The following MTMR12 variants were observed in gnomAD, a reference collection of about 807,000 sequenced individuals.
The protein encoded by MTMR12 is myotubularin related protein 12, also known as myotubularin-related protein 12.
Under a neutral mutation model 96.7 loss-of-function variants are expected in MTMR12, and 33 were observed. The ratio of observed to expected loss-of-function variants is 0.34; its 90% confidence interval spans 0.26 to 0.46. The LOEUF (loss-of-function observed/expected upper bound fraction) is 0.46, where lower values mean the gene tolerates loss of function less well. Among genes scored for constraint, MTMR12 ranks in the 20% least tolerant of loss-of-function variants. MTMR12 has a pLI of 1.00. For synonymous variants in MTMR12, 298 were observed against 327.2 expected, an observed-to-expected ratio of 0.91 and a Z score of 0.96; for missense variants, 721 against 896.1, an observed-to-expected ratio of 0.80 and a Z score of 2.49.
intron 1 of MTMR12, among the ~76,000 whole-genome samples, chr5:32,280,062 T>G (rs1291612234): frequency 6.6e-6 from 1 of 152,154 alleles, no homozygotes; most frequent in African/African-American, 2.4e-5. Context: ...CCTGGTGGTA[T>G]TTACTTCACT....
intron 1 of MTMR12, among the ~76,000 whole-genome samples, chr5:32,301,465 T>A (rs1561813359): frequency 6.6e-6 from 1 of 152,250 alleles, no homozygotes; most frequent in Non-Finnish European, 1.5e-5. Flanking sequence ...AAGAGAATCA[T>A]TACTTCTTCC....
At chr5:32,237,119 G>C (rs1748268779) in intron 13 of MTMR12, among the ~76,000 whole-genome samples, 1 of 152,230 alleles carries the variant, frequency 6.6e-6, no homozygotes, top group African/African-American at 2.4e-5. Flanking sequence ...ATGGCTCTGT[G>C]TGCCCACAGC....
chr5:32,272,542 G>A (rs1561781973), intron 3 of MTMR12, among the ~76,000 whole-genome samples: 3 of 151,906 alleles, frequency 2.0e-5, no homozygotes, highest in Admixed American at 6.6e-5. Flanking sequence ...ACCACTCCTA[G>A]CTAATTTTTG....
chr5:32,262,772 A>AT (rs1749417024), intron 7 of MTMR12, among the ~76,000 whole-genome samples: 1 of 152,234 alleles, frequency 6.6e-6, no homozygotes, highest in African/African-American at 2.4e-5. Context: ...ATTCTGATAC[A>AT]AGCTGCAAAA....
intron 1 of MTMR12, among the ~76,000 whole-genome samples, 184 bp from the exon 2 acceptor site, chr5:32,276,926 G>T (rs1409255669): frequency 8.8e-6 from 1 of 114,208 alleles, no homozygotes; most frequent in Non-Finnish European, 1.7e-5. Context: ...TCACTCTGTT[G>T]CCAGGCTGGA....
Position 32,276,731 on chromosome 5 carries a change from T to C in MTMR12, c.93A>G (p.Thr31=), listed in dbSNP as rs376026352. Residue 31 remains threonine (T), a synonymous_variant, in exon 2 of 16, where the codon ACA becomes ACG. Transcript: ENST00000382142. ...VSYVRPEEIH[T]NEKEVTEKEV... ...CCTTCTCTGTTACTTCCTTTTCGTTTGTGTGAATTTCCTAAAAGAGAAGAG... is the reference window on the plus strand; with the variant it reads ...CCTTCTCTGTTACTTCCTTTTCGTTCGTGTGAATTTCCTAAAAGAGAAGAG... 2.9e-5 allele frequency: 47 copies of C among 1,613,704 alleles called. No homozygotes were observed. The African/African-American group carries it at 5.3e-4, about 18-fold the overall frequency.
At chr5:32,276,578 A>G (rs1581625376) in intron 2 of MTMR12, 104 bp downstream of exon 2, 2 of 943,760 alleles carry the variant, frequency 2.1e-6, no homozygotes, top group Non-Finnish European at 3.3e-6. Context: ...GTTATATGTG[A>G]GAAGATGAAA....
At chr5:32,270,131 G>T (rs1749775578) in intron 5 of MTMR12, among the ~76,000 whole-genome samples, 1 of 151,884 alleles carries the variant, frequency 6.6e-6, no homozygotes, top group South Asian at 2.1e-4. Context: ...AAAAGTCTGA[G>T]ATCAATATCT....
At position 32,229,010 on chromosome 5, in the gene MTMR12, A is replaced by C. The variant is rs1747884499; in HGVS notation, c.*768T>G. The C allele has an allele frequency of 6.6e-6, 1 of 152,156 alleles. No homozygotes were observed. The highest frequency in any genetic ancestry group is 1.5e-5 in the Non-Finnish European group (1 of 68,072). 9.4% of individuals were successfully genotyped at this position (152,156 alleles called of 1,614,324 possible). The stretch of plus-strand genomic sequence containing the variant: ...AACAGATCCCCGCAGCGTAACCAAG[A>C]GGTTTGGCAGTGAGACACTGGGACT... On this transcript the variant is annotated 3_prime_UTR_variant, in exon 16 of 16. Transcript: ENST00000382142.
chr5:32,234,398 T>C lies in MTMR12; in HGVS notation c.1513-464A>G, dbSNP rs537164220. ...GCTCAGAAGCACTGAGATTATCTAA[T>C]TGGGGGCACAGTCCAGGAAGGGCCA... On this transcript the variant is annotated intron_variant, in intron 14 of 15. Coordinates refer to ENST00000382142, the MANE Select transcript of MTMR12 (RefSeq NM_001040446.3). Among the ~76,000 whole-genome samples the C allele has an allele frequency of 4.3e-4, 66 of 152,228 alleles. No homozygotes were observed. In the South Asian group the frequency reaches 8.9e-3, roughly 21 times the overall value.
intron 5 of MTMR12, among the ~76,000 whole-genome samples, 173 bp from the exon 6 acceptor site, chr5:32,268,967 A>G (rs77051104): frequency 0.031 from 4,751 of 152,254 alleles, 255 homozygotes; most frequent in African/African-American, 0.11. Flanking sequence ...AATAATGGCA[A>G]ATCAACAGGA....
chr5:32,267,300 C>T (rs778047460), intron 6 of MTMR12, among the ~76,000 whole-genome samples: 39 of 148,218 alleles, frequency 2.6e-4, no homozygotes, highest in Admixed American at 4.1e-4. Flanking sequence ...TGCTTGAACC[C>T]GGAAGGTGGA....
intron 10 of MTMR12, among the ~76,000 whole-genome samples, chr5:32,244,484 G>C (rs1221298848): frequency 1.3e-5 from 2 of 152,154 alleles, no homozygotes; most frequent in African/African-American, 4.8e-5. Flanking sequence ...CCAGCCACTT[G>C]GGAGGCTGAG....
intron 7 of MTMR12, among the ~76,000 whole-genome samples, chr5:32,257,470 T>C (rs909495344): frequency 1.3e-5 from 2 of 152,196 alleles, no homozygotes; most frequent in East Asian, 1.9e-4. Flanking sequence ...ACTTGAAATT[T>C]TGCATTTAAA....
intron 1 of MTMR12, among the ~76,000 whole-genome samples, chr5:32,295,941 G>A (rs571529413): frequency 6.6e-6 from 1 of 152,188 alleles, no homozygotes; most frequent in South Asian, 2.1e-4. Context: ...ATCACCTGAT[G>A]TTAGGAGTTC....
intron 6 of MTMR12, among the ~76,000 whole-genome samples, chr5:32,266,252 G>C (rs1749589062): frequency 6.6e-6 from 1 of 152,086 alleles, no homozygotes; most frequent in African/African-American, 2.4e-5. Flanking sequence ...TGAGGGCAAG[G>C]ATTTAGTCCT....
chr5:32,277,501 C>A (rs1453972144), intron 1 of MTMR12, among the ~76,000 whole-genome samples: 1 of 152,116 alleles, frequency 6.6e-6, no homozygotes, highest in African/African-American at 2.4e-5. Context: ...GAGTTCGAAA[C>A]CAGCCTGGCC....
intron 5 of MTMR12, among the ~76,000 whole-genome samples, chr5:32,270,539 G>A (rs1178606584): frequency 5.9e-5 from 9 of 152,092 alleles, no homozygotes; most frequent in African/African-American, 1.9e-4. Flanking sequence ...TTCCCCTACC[G>A]CCTACTGACC....
chr5:32,291,833 C>CA (rs1401226994), intron 1 of MTMR12, among the ~76,000 whole-genome samples: 3 of 152,200 alleles, frequency 2.0e-5, no homozygotes, highest in African/African-American at 7.2e-5. Flanking sequence ...GGCGATCAGC[C>CA]AGCTACCTGG....
Sources: allele counts gnomAD v4.1 joint callset (sites outside exome capture counted in the v4.1 genomes callset), GRCh38; gene constraint gnomAD v4.1.1; transcripts MANE v1.5; gene names NCBI Gene and HGNC (gene_info 2026-07-23, HGNC 2026-07-21).